The following SLCO1B1 variants were observed in gnomAD, a reference collection of about 807,000 sequenced individuals.
SLCO1B1 encodes OATP-2.
SLCO1B1 carries 81 observed loss-of-function variants against 70.1 expected under a neutral mutation model. The observed-to-expected ratio is 1.16, with a 90% confidence interval of 0.97 to 1.39. The LOEUF (loss-of-function observed/expected upper bound fraction) is 1.39, where lower values mean the gene tolerates loss of function less well. Ranked by LOEUF, SLCO1B1 falls within the 40% of genes most tolerant of loss-of-function variation. The pLI is 0.00. For missense variants in SLCO1B1, 895 were observed against 799.6 expected (o/e 1.12, Z -1.44); for synonymous variants, 283 against 271.5 (o/e 1.04, Z -0.42).
At chr12:21,134,917 T>G (rs1276874634) in intron 1 of SLCO1B1, among the ~76,000 whole-genome samples, 4 of 152,212 alleles carry the variant, frequency 2.6e-5, no homozygotes, top group Non-Finnish European at 5.9e-5. Context: ...TTCTTTTAAT[T>G]GTGATGTTGG....
intron 2 of SLCO1B1, among the ~76,000 whole-genome samples, chr12:21,166,824 C>T (rs1172111337): frequency 3.2e-4 from 48 of 152,152 alleles, no homozygotes; most frequent in Admixed American, 3.1e-3. Flanking sequence ...AGCATGTCTA[C>T]ACAACAGCCT....
intron 14 of SLCO1B1, among the ~76,000 whole-genome samples, chr12:21,232,923 G>GA (rs763018836): frequency 1.1e-4 from 17 of 152,180 alleles, no homozygotes; most frequent in Non-Finnish European, 1.8e-4. Flanking sequence ...CTTTACAAAA[G>GA]AAAATTATCC....
At chr12:21,232,696 A>C (rs1054834060) in intron 14 of SLCO1B1, among the ~76,000 whole-genome samples, 3 of 137,082 alleles carry the variant, frequency 2.2e-5, no homozygotes, top group African/African-American at 8.1e-5. Flanking sequence ...ACACACAGAG[A>C]GAGAGAGAGA....
At chr12:21,200,781 T>C in intron 9 of SLCO1B1, 109 bp downstream of exon 9, 6 of 881,594 alleles carry the variant, frequency 6.8e-6, no homozygotes, top group Non-Finnish European at 8.5e-6. Flanking sequence ...TAATACAGGA[T>C]AAGTATAATT....
rs1393757524 is a variant in SLCO1B1 at position 21,176,880 on chromosome 12, C to T, written c.464C>T (p.Pro155Leu). ...NQILSLNRASPEIVGKGCLKE... is the reference protein window; with the variant it reads ...NQILSLNRASLEIVGKGCLKE... ...ATTTTATCACTCAATAGAGCATCAC[C>T]TGAGATAGTGGGAAAAGGTAAGAAT... is the stretch of plus-strand genomic sequence containing the variant. The change falls in exon 5 of 15, where the codon CCT (proline) becomes CTT (leucine). Residue 155 changes from proline (P) to leucine (L), a missense_variant. Pro to Leu is a moderately conservative substitution (Grantham distance 98). Transcript: ENST00000256958. The T allele has an allele frequency of 1.2e-5, 19 of 1,553,946 alleles. 1 individual carries two copies. The highest frequency in any genetic ancestry group is 1.6e-5 in the Non-Finnish European group (18 of 1,125,160).
Position 21,200,605 on chromosome 12 carries a change from T to C in SLCO1B1, c.1068T>C (p.Phe356=). The C allele has an allele frequency of 6.2e-7, 1 of 1,612,274 alleles. No homozygotes were observed. Among genetic ancestry groups the C allele is most frequent in the Non-Finnish European group, 8.5e-7 (1 of 1,178,832 alleles). ...LLQVSSYIGA[F]TYVFKYVEQQ... is the part of the protein sequence containing the mutation. ...AAGTAAGCAGCTATATTGGTGCTTT[T>C]ACTTATGTCTTCAAATACGTAGAGC... Residue 356 remains phenylalanine (F), a synonymous_variant, in exon 9 of 15, where the codon TTT becomes TTC. Coordinates refer to ENST00000256958, the MANE Select transcript of SLCO1B1 (RefSeq NM_006446.5).
intron 10 of SLCO1B1, among the ~76,000 whole-genome samples, chr12:21,203,899 G>A (rs759475934): frequency 2.6e-5 from 4 of 151,986 alleles, no homozygotes; most frequent in Non-Finnish European, 5.9e-5. Context: ...AGCCTTCTTG[G>A]TTGTAAGGAC....
intron 10 of SLCO1B1, among the ~76,000 whole-genome samples, chr12:21,204,671 G>A (rs1226808139): frequency 1.3e-5 from 2 of 152,092 alleles, no homozygotes; most frequent in African/African-American, 4.8e-5. Context: ...CATTCAGGCT[G>A]CAAAGTTCTA....
chr12:21,172,752 T>C lies in SLCO1B1; in HGVS notation c.187T>C (p.Ser63Pro), dbSNP rs1565672584. 2 of 1,613,566 alleles carry C rather than the reference T, an allele frequency of 1.2e-6. No individual in the cohort carries two copies. Among genetic ancestry groups the C allele is most frequent in the Non-Finnish European group, 8.5e-7 (1 of 1,179,742 alleles). The change falls in exon 3 of 15, where the codon TCT becomes CCT. Residue 63 changes from serine to proline, a missense_variant. Physicochemically the swap from Ser to Pro is moderately conservative, Grantham distance 74. Transcript: ENST00000256958. Reference sequence around the variant, plus strand: ...TATAGAACGGAGATTTGAGATATCCTCTTCTCTTGTTGGTTTTATTGACGG... The same window carrying C: ...TATAGAACGGAGATTTGAGATATCCCCTTCTCTTGTTGGTTTTATTGACGG... ...IHIERRFEISSSLVGFIDGSF... is the reference protein window; with the variant it reads ...IHIERRFEISPSLVGFIDGSF...
chr12:21,187,670 A>G (rs1052141158), intron 7 of SLCO1B1, among the ~76,000 whole-genome samples: 1 of 102,430 alleles, frequency 9.8e-6, no homozygotes, highest in South Asian at 4.0e-4. Context: ...GTTATAGGGA[A>G]AAAAAAAAGT....
At chr12:21,229,177 A>G (rs1336312324) in intron 14 of SLCO1B1, among the ~76,000 whole-genome samples, 2 of 152,254 alleles carry the variant, frequency 1.3e-5, no homozygotes, top group South Asian at 2.1e-4. Context: ...AGCCTATCCT[A>G]CCATCAATGT....
At chr12:21,149,302 G>C (rs113092518) in intron 2 of SLCO1B1, among the ~76,000 whole-genome samples, 1 of 152,024 alleles carries the variant, frequency 6.6e-6, no homozygotes, top group Non-Finnish European at 1.5e-5. Flanking sequence ...GTCTTGTGCC[G>C]GTTTTCAAAG....
chr12:21,141,480 A>G (rs1940306429), intron 1 of SLCO1B1, 34 bp from the exon 2 acceptor site: 6 of 700,392 alleles, frequency 8.6e-6, no homozygotes, highest in Non-Finnish European at 1.5e-5. Context: ...ATATTGTAAA[A>G]ATAAAATAAA....
intron 2 of SLCO1B1, among the ~76,000 whole-genome samples, chr12:21,163,368 TATTG>T (rs1401474600): frequency 2.6e-5 from 4 of 152,180 alleles, no homozygotes; most frequent in African/African-American, 9.6e-5. Context: ...TATGACTTAG[TATTG>T]ATTGATTGTC....
At chr12:21,200,322 A>C (rs1430519741) in intron 8 of SLCO1B1, among the ~76,000 whole-genome samples, 186 bp from the exon 9 acceptor site, 1 of 152,162 alleles carries the variant, frequency 6.6e-6, no homozygotes, top group East Asian at 1.9e-4. Flanking sequence ...TAATATTCGT[A>C]TGGAAAATAT....
At chr12:21,193,699 A>C (rs1179894972) in intron 7 of SLCO1B1, among the ~76,000 whole-genome samples, 1 of 152,100 alleles carries the variant, frequency 6.6e-6, no homozygotes, top group Non-Finnish European at 1.5e-5. Context: ...CTTTGCTCTC[A>C]TATCTGAGCA....
At chr12:21,217,407 C>T (rs1941372227) in intron 12 of SLCO1B1, 104 bp downstream of exon 12, 1 of 914,482 alleles carries the variant, frequency 1.1e-6, no homozygotes, top group Non-Finnish European at 1.7e-6. Flanking sequence ...ATTCATATTT[C>T]ATCAAATTTT....
intron 7 of SLCO1B1, among the ~76,000 whole-genome samples, chr12:21,191,117 T>C (rs1941024636): frequency 6.6e-6 from 1 of 152,112 alleles, no homozygotes; most frequent in South Asian, 2.1e-4. Flanking sequence ...TTTGGCTATT[T>C]GATGTCCTTC....
intron 2 of SLCO1B1, among the ~76,000 whole-genome samples, chr12:21,167,752 A>G (rs7296796): frequency 0.12 from 18,110 of 151,332 alleles, 1,401 homozygotes; most frequent in South Asian, 0.29. Context: ...CTAAGTAAGT[A>G]CCTTTCCACT....
Sources: allele counts gnomAD v4.1 joint callset (sites outside exome capture counted in the v4.1 genomes callset), GRCh38; gene constraint gnomAD v4.1.1; transcripts MANE v1.5; gene names NCBI Gene and HGNC (gene_info 2026-07-23, HGNC 2026-07-21).